Variants in KANSL1 observed in about 807,000 individuals in gnomAD.
KANSL1 encodes the protein MLL1/MLL complex subunit KANSL1.
Under a neutral mutation model 103.6 loss-of-function variants are expected in KANSL1, and 22 were observed. That is an observed-to-expected ratio of 0.21 (90% CI 0.15 to 0.30). The LOEUF is 0.30. Ranked by LOEUF, KANSL1 falls within the 10% of genes least tolerant of loss-of-function variation. KANSL1 has a pLI of 1.00. For missense variants in KANSL1, 1,337 were observed against 1,399.8 expected, an observed-to-expected ratio of 0.96 and a Z score of 0.72; for synonymous variants, 600 against 527.6, an observed-to-expected ratio of 1.14 and a Z score of -1.88.
intron 4 of KANSL1, among the ~76,000 whole-genome samples, chr17:46,070,709 C>T (rs911979915): frequency 1.6e-4 from 24 of 151,798 alleles, no homozygotes; most frequent in Middle Eastern, 3.2e-3. Flanking sequence ...GTTTTTATTT[C>T]GGCATTAAAT....
chr17:46,167,636 T>TA (rs2046071893), intron 2 of KANSL1, among the ~76,000 whole-genome samples: 1 of 152,222 alleles, frequency 6.6e-6, no homozygotes, highest in Non-Finnish European at 1.5e-5. Context: ...ACAAAAAGGG[T>TA]AAGAGTTTTT....
At chr17:46,091,895 T>C (rs2079406488) in intron 3 of KANSL1, among the ~76,000 whole-genome samples, 1 of 151,430 alleles carries the variant, frequency 6.6e-6, no homozygotes, top group Non-Finnish European at 1.5e-5. Context: ...CTCAGCTCAC[T>C]GCACCCTGTC....
intron 3 of KANSL1, chr17:46,093,785 C>T (rs2079509672): frequency 6.6e-6 from 1 of 152,164 alleles, no homozygotes; most frequent in South Asian, 2.1e-4. Flanking sequence ...AAAGATAGAG[C>T]TCAGCCACAC....
At chr17:46,179,609 T>C (rs575757577) in intron 1 of KANSL1, among the ~76,000 whole-genome samples, 1 of 152,356 alleles carries the variant, frequency 6.6e-6, no homozygotes, top group East Asian at 1.9e-4. Flanking sequence ...TAGGGAAGTG[T>C]CCATGAAGTT....
Position 46,135,695 on chromosome 17 carries a change from CTTTTTT to C in KANSL1, c.1289+35154_1289+35159del, listed in dbSNP as rs35094789. The stretch of plus-strand genomic sequence containing the variant: ...TACAGGCATGCCCCACCATGCCTGG[CTTTTTT>C]TTTTTTTTTTTTTTTTTTTTGGTAG... On this transcript the variant is annotated intron_variant, in intron 2 of 14. Coordinates refer to ENST00000432791, the MANE Select transcript of KANSL1 (RefSeq NM_015443.4). 1.0e-3 allele frequency among the ~76,000 whole-genome samples: 88 copies of C among 84,412 alleles called. 1 individual carries two copies. Among genetic ancestry groups the C allele is most frequent in the Admixed American group, 1.5e-3 (11 of 7,300 alleles). The allele number at this position is 84,412 out of a possible 152,430, so 55.4% of individuals were successfully genotyped here.
At chr17:46,047,518 G>C (rs2146450303) in intron 7 of KANSL1, among the ~76,000 whole-genome samples, 1 of 152,228 alleles carries the variant, frequency 6.6e-6, no homozygotes, top group South Asian at 2.1e-4. Flanking sequence ...CGGGCGTGGT[G>C]GTTTACACCT....
At chr17:46,217,359 C>A (rs1267091400) in intron 1 of KANSL1, among the ~76,000 whole-genome samples, 1 of 151,902 alleles carries the variant, frequency 6.6e-6, no homozygotes, top group Admixed American at 6.6e-5. Context: ...ACCTGTAACT[C>A]CAGCTACTTG....
chr17:46,051,667 G>C (rs1345029245), intron 6 of KANSL1, among the ~76,000 whole-genome samples: 1 of 152,186 alleles, frequency 6.6e-6, no homozygotes, highest in African/African-American at 2.4e-5. Flanking sequence ...AAAGAAACTT[G>C]CATGTTGAAT....
At chr17:46,034,460 C>T in intron 10 of KANSL1, 175 bp from the exon 11 acceptor site, 1 of 603,602 alleles carries the variant, frequency 1.7e-6, no homozygotes, top group Non-Finnish European at 2.9e-6. Flanking sequence ...CAGCAAAAAA[C>T]CTCACGGAGA....
At chr17:46,046,858 A>G (rs1202184326) in intron 7 of KANSL1, among the ~76,000 whole-genome samples, 2 of 151,436 alleles carry the variant, frequency 1.3e-5, no homozygotes, top group African/African-American at 4.8e-5. Context: ...AAAAAAAAAA[A>G]AGAATTTTGA....
chr17:46,132,249 T>A (rs1198869323), intron 2 of KANSL1, among the ~76,000 whole-genome samples: 2 of 152,228 alleles, frequency 1.3e-5, no homozygotes, highest in Admixed American at 1.3e-4. Flanking sequence ...TTTAGCTGTG[T>A]GACTTTCAAC....
chr17:46,199,762 T>C (rs1193281761), intron 1 of KANSL1, among the ~76,000 whole-genome samples: 1 of 152,238 alleles, frequency 6.6e-6, no homozygotes, highest in East Asian at 1.9e-4. Flanking sequence ...AACAATACTG[T>C]TGTAGGTTAA....
At chr17:46,149,997 G>C (rs2044997418) in intron 2 of KANSL1, among the ~76,000 whole-genome samples, 1 of 150,936 alleles carries the variant, frequency 6.6e-6, no homozygotes, top group Admixed American at 6.6e-5. Flanking sequence ...ACCCCAGCCT[G>C]GGCAACAGTG....
intron 1 of KANSL1, among the ~76,000 whole-genome samples, chr17:46,215,732 A>G (rs2048319640): frequency 6.6e-6 from 1 of 152,158 alleles, no homozygotes; most frequent in Admixed American, 6.5e-5. Flanking sequence ...GGAAGTGGAT[A>G]AGATCATTTT....
intron 1 of KANSL1, among the ~76,000 whole-genome samples, chr17:46,180,311 C>T (rs1030809480): frequency 2.0e-5 from 3 of 151,696 alleles, no homozygotes; most frequent in African/African-American, 7.3e-5. Context: ...GCCTGGCCAA[C>T]GTGGTGAAAA....
At chr17:46,076,645 CATT>C (rs2078784587) in intron 4 of KANSL1, among the ~76,000 whole-genome samples, 1 of 134,412 alleles carries the variant, frequency 7.4e-6, no homozygotes, top group Non-Finnish European at 1.8e-5. Context: ...TGCATTGAAT[CATT>C]GTGTCTAACA....
At chr17:46,094,427 C>A (rs183735209) in intron 3 of KANSL1, 133 bp downstream of exon 3, 2 of 1,099,566 alleles carry the variant, frequency 1.8e-6, no homozygotes, top group Non-Finnish European at 2.6e-6. Flanking sequence ...ACCACTATAT[C>A]AGGTCATTAA....
chr17:46,070,180 AATG>A (rs1223685115), intron 4 of KANSL1, among the ~76,000 whole-genome samples: 1 of 152,232 alleles, frequency 6.6e-6, no homozygotes, highest in Non-Finnish European at 1.5e-5. Flanking sequence ...TGGTCACTGC[AATG>A]ATATCTATCA....
chr17:46,179,712 G>C (rs1212985930), intron 1 of KANSL1, among the ~76,000 whole-genome samples: 1 of 152,212 alleles, frequency 6.6e-6, no homozygotes, highest in East Asian at 1.9e-4. Flanking sequence ...TCTAGTGAGA[G>C]GAAATGGCAT....
Sources: allele counts gnomAD v4.1 joint callset (sites outside exome capture counted in the v4.1 genomes callset), GRCh38; gene constraint gnomAD v4.1.1; transcripts MANE v1.5; gene names NCBI Gene and HGNC (gene_info 2026-07-23, HGNC 2026-07-21).